USP6NL: variants seen among roughly 807,000 people sequenced by gnomAD.
USP6NL encodes USP6 N-terminal-like protein.
USP6NL carries 26 observed loss-of-function variants against 61.9 expected under a neutral mutation model. The ratio of observed to expected loss-of-function variants is 0.42; its 90% CI spans 0.31 to 0.58. The LOEUF is 0.58. Ranked by LOEUF, USP6NL falls within the 20% of genes least tolerant of loss-of-function variation. The probability of loss-of-function intolerance (pLI) is 0.16; values close to 1 mark genes in which losing one functional copy is unlikely to be tolerated. For missense variants in USP6NL, 1,114 were observed against 1,034.3 expected (o/e 1.08, Z -1.06); for synonymous variants, 432 against 390.1 (o/e 1.11, Z -1.27).
At chr10:11,502,089 T>G (rs1374746150) in intron 6 of USP6NL, among the ~76,000 whole-genome samples, 1 of 151,976 alleles carries the variant, frequency 6.6e-6, no homozygotes, top group Non-Finnish European at 1.5e-5. Context: ...AAACCCCGTC[T>G]CTACTAAAAC....
chr10:11,536,487 G>C (rs371732945), intron 2 of USP6NL, among the ~76,000 whole-genome samples: 3 of 152,156 alleles, frequency 2.0e-5, no homozygotes, highest in Admixed American at 6.5e-5. Flanking sequence ...CAAAGAACAA[G>C]GTTTAGACAA....
intron 2 of USP6NL, among the ~76,000 whole-genome samples, chr10:11,583,814 G>A (rs1487856066): frequency 6.6e-6 from 1 of 152,128 alleles, no homozygotes; most frequent in Non-Finnish European, 1.5e-5. Flanking sequence ...GATCACCTGA[G>A]GTCAGGAGCT....
rs1211220244 is a variant in USP6NL at position 11,511,469 on chromosome 10, T to C, written c.196-1794A>G. Reference sequence around the variant, plus strand: ...TTTTGTTCTTCTGCACTTTCTCCCCTGACTTCTTCAAAGCATAATCCTTTT... The same window carrying C: ...TTTTGTTCTTCTGCACTTTCTCCCCCGACTTCTTCAAAGCATAATCCTTTT... On this transcript the variant is annotated intron_variant, in intron 5 of 14. Coordinates refer to ENST00000609104, the MANE Select transcript of USP6NL (RefSeq NM_014688.5). This position sits in a 1 kb window ranked among gnomAD's most constrained non-coding sequence, Gnocchi z 4.9. Among the ~76,000 whole-genome samples the C allele has an allele frequency of 6.6e-6, 1 of 152,208 alleles. No homozygotes were observed. Among genetic ancestry groups the C allele is most frequent in the African/African-American group, 2.4e-5 (1 of 41,456 alleles).
rs17150597 is a variant in USP6NL, at chr10:11,589,423, C to G, written c.4+8208G>C. Reference sequence around the variant, plus strand: ...TAATCCAGAACACTTCACACATGACCTACATCTACATATCATAGAAAGACA... The same window carrying G: ...TAATCCAGAACACTTCACACATGACGTACATCTACATATCATAGAAAGACA... On this transcript the variant is annotated intron_variant, in intron 2 of 14. Coordinates refer to ENST00000609104, the MANE Select transcript of USP6NL (RefSeq NM_014688.5). This position sits in a 1 kb window ranked among gnomAD's most constrained non-coding sequence, Gnocchi z 4.7. Among the ~76,000 whole-genome samples the G allele has an allele frequency of 3.9e-4, 60 of 152,230 alleles. 1 individual carries two copies. In the South Asian group the frequency reaches 0.01, roughly 26 times the overall value.
rs918830247 is a variant in USP6NL at position 11,460,942 on chromosome 10, T to C, written c.*1499A>G. On this transcript the variant is annotated 3_prime_UTR_variant, in exon 15 of 15. Coordinates refer to ENST00000609104, the MANE Select transcript of USP6NL (RefSeq NM_014688.5). The stretch of plus-strand genomic sequence containing the variant: ...GCTATTTAATAACATCATTACCAAG[T>C]TGATCAAAATTACATTAGACTCATT... The C allele has an allele frequency of 6.6e-6, 1 of 152,204 alleles. No homozygotes were observed. Among genetic ancestry groups the C allele is most frequent in the Non-Finnish European group, 1.5e-5 (1 of 68,034 alleles). 9.4% of individuals were successfully genotyped at this position (152,204 alleles called of 1,614,324 possible).
intron 14 of USP6NL, among the ~76,000 whole-genome samples, chr10:11,475,422 AT>A (rs1228100146): frequency 1.3e-5 from 2 of 151,900 alleles, no homozygotes; most frequent in Admixed American, 1.3e-4. Flanking sequence ...GAGAAACCCC[AT>A]CTCTACTAAA....
At chr10:11,576,551 T>C (rs531736754) in intron 2 of USP6NL, among the ~76,000 whole-genome samples, 1 of 152,202 alleles carries the variant, frequency 6.6e-6, no homozygotes, top group Non-Finnish European at 1.5e-5. Flanking sequence ...GAGGAGAAGC[T>C]AGAAGGCGCC....
At chr10:11,472,076 T>C (rs1591818283) in intron 14 of USP6NL, among the ~76,000 whole-genome samples, 1 of 152,350 alleles carries the variant, frequency 6.6e-6, no homozygotes. Flanking sequence ...ATTTTTTATA[T>C]TTCTCATTGG....
intron 2 of USP6NL, among the ~76,000 whole-genome samples, chr10:11,546,244 G>C (rs1384713868): frequency 6.6e-6 from 1 of 152,182 alleles, no homozygotes; most frequent in East Asian, 1.9e-4. Context: ...CCAGCAGTGA[G>C]AGAAAGGTAA....
At chr10:11,569,184 C>T (rs969117046) in intron 2 of USP6NL, among the ~76,000 whole-genome samples, 10 of 152,162 alleles carry the variant, frequency 6.6e-5, no homozygotes, top group East Asian at 1.9e-4. Flanking sequence ...AAAATGAGTA[C>T]ATTTTAAATA....
rs1838505726 is a variant in USP6NL, at chr10:11,600,936, C to G, written c.-83-3219G>C. Among the ~76,000 whole-genome samples, 1 of 151,932 alleles carries G rather than the reference C, an allele frequency of 6.6e-6. No individual in the cohort carries two copies. Among genetic ancestry groups the G allele is most frequent in the Non-Finnish European group, 1.5e-5 (1 of 68,012 alleles). On this transcript the variant is annotated intron_variant, in intron 1 of 14. Coordinates refer to ENST00000609104, the MANE Select transcript of USP6NL (RefSeq NM_014688.5). This position sits in a 1 kb window ranked among gnomAD's most constrained non-coding sequence, Gnocchi z 4.1. ...TAAGCCAAGATCGCACCACTGCACT[C>G]CAGCCTGGGCAACAGAGCAAGACTC... is the stretch of plus-strand genomic sequence containing the variant.
chr10:11,524,372 TA>T (rs767784995), intron 4 of USP6NL, among the ~76,000 whole-genome samples: 1 of 152,024 alleles, frequency 6.6e-6, no homozygotes, highest in African/African-American at 2.4e-5. Context: ...TGAAGATACA[TA>T]AAAAAAGTAT....
At chr10:11,601,549 C>A (rs1019611180) in intron 1 of USP6NL, among the ~76,000 whole-genome samples, 4 of 152,184 alleles carry the variant, frequency 2.6e-5, no homozygotes, top group Admixed American at 2.6e-4. Context: ...ATATATTTTA[C>A]AGTATTTTAA....
rs1833889803 is a variant in USP6NL at position 11,495,632 on chromosome 10, CTG to C, written c.385-2406_385-2405del. Among the ~76,000 whole-genome samples the C allele has an allele frequency of 6.6e-6, 1 of 152,202 alleles. No homozygotes were observed. The highest frequency in any genetic ancestry group is 2.4e-5 in the African/African-American group (1 of 41,536). On this transcript the variant is annotated intron_variant, in intron 7 of 14. Coordinates refer to ENST00000609104, the MANE Select transcript of USP6NL (RefSeq NM_014688.5). The surrounding 1 kb of genome is among the most constrained non-coding windows in gnomAD (Gnocchi z 4.6). ...CTAATATTTGTTATATTCATAAGCT[CTG>C]TTGTTTTTGAGTGTTCCTTTTTATA...
At chr10:11,588,478 A>C (rs960003272) in intron 2 of USP6NL, among the ~76,000 whole-genome samples, 6 of 152,254 alleles carry the variant, frequency 3.9e-5, no homozygotes, top group Non-Finnish European at 5.9e-5. Context: ...TAAATCAGTG[A>C]TATTTTAAAA....
At position 11,463,814 on chromosome 10, in the gene USP6NL, G is replaced by T. The variant is rs755509746; in HGVS notation, c.1114C>A (p.Gln372Lys). 3.4e-6 allele frequency: 5 copies of T among 1,475,420 alleles called. No homozygotes were observed. In the Admixed American group the frequency reaches 1.1e-4, roughly 32 times the overall value. 91.4% of individuals were successfully genotyped at this position (1,475,420 alleles called of 1,614,324 possible). A position where few individuals can be genotyped will look rare whatever the true frequency, so the allele number is the denominator to read the frequency against. Reference sequence around the variant, plus strand: ...CAAGACTGAAGTTCAGGTGGAAGCTGCCCCAAGGGCTTCTTTGGATATTCA... The same window carrying T: ...CAAGACTGAAGTTCAGGTGGAAGCTTCCCCAAGGGCTTCTTTGGATATTCA... Reference protein sequence around the residue: ...EDEYPKKPLGQLPPELQSWGV... With the variant: ...EDEYPKKPLGKLPPELQSWGV... Residue 372 changes from glutamine to lysine, a missense_variant, in exon 15 of 15, where the codon CAG becomes AAG. By Grantham distance (53) the Gln-to-Lys change is moderately conservative. Transcript: ENST00000609104. This position sits in a 1 kb window ranked among gnomAD's most constrained non-coding sequence, Gnocchi z 6.3.
At chr10:11,502,031 A>T (rs1413050281) in intron 6 of USP6NL, among the ~76,000 whole-genome samples, 1 of 152,014 alleles carries the variant, frequency 6.6e-6, no homozygotes, top group East Asian at 1.9e-4. Context: ...GGCCGAGGTG[A>T]GCAGATCACA....
Position 11,575,785 on chromosome 10 carries a change from C to T in USP6NL, c.4+21846G>A, listed in dbSNP as rs1302686010. Among the ~76,000 whole-genome samples the T allele has an allele frequency of 6.6e-6, 1 of 152,100 alleles. No individual in the cohort carries two copies. Among genetic ancestry groups the T allele is most frequent in the Non-Finnish European group, 1.5e-5 (1 of 68,006 alleles). On this transcript the variant is annotated intron_variant, in intron 2 of 14. Transcript: ENST00000609104. The surrounding 1 kb of genome is among the most constrained non-coding windows in gnomAD (Gnocchi z 4.2). Reference sequence around the variant, plus strand: ...CTCTGATGTATGTAACTGAGCTGAACTCTTTAAAATGCCAAAGTCATAGAA... The same window carrying T: ...CTCTGATGTATGTAACTGAGCTGAATTCTTTAAAATGCCAAAGTCATAGAA...
chr10:11,463,126 T>C lies in USP6NL; in HGVS notation c.1802A>G (p.Asn601Ser), dbSNP rs371973255. The change falls in exon 15 of 15, where the codon AAC becomes AGC. Residue 601 changes from asparagine to serine, a missense_variant. By Grantham distance (46) the Asn-to-Ser change is conservative. Transcript: ENST00000609104. The surrounding 1 kb of genome is among the most constrained non-coding windows in gnomAD (Gnocchi z 6.3). ...AGGCTGTACTTTAAAAGTAAACTTG[T>C]TGGATACTTTTGATGGACTAGAACT... ...EPSSSPSKVS[N>S]KFTFKVQPPS... 73 of 1,613,890 alleles carry C rather than the reference T, an allele frequency of 4.5e-5. No individual in the cohort carries two copies. Among genetic ancestry groups the C allele is most frequent in the Non-Finnish European group, 5.8e-5 (68 of 1,179,908 alleles).
Sources: gnomAD v4.1 joint callset for allele counts (sites outside exome capture counted in the v4.1 genomes callset) on GRCh38, gnomAD v4.1.1 for gene constraint, Gnocchi (gnomAD v3.1) non-coding constraint, MANE v1.5 for transcripts, NCBI Gene and HGNC (gene_info 2026-07-23, HGNC 2026-07-21) for gene names.